Variants in MED14 observed in about 807,000 individuals in gnomAD.
The protein encoded by MED14 is mediator complex subunit 14.
Under a neutral mutation model 109.0 loss-of-function variants are expected in MED14, and 8 were observed. The ratio of observed to expected loss-of-function variants is 0.07; its 90% CI spans 0.04 to 0.13. MED14 has a LOEUF of 0.13. Among genes scored for constraint, MED14 ranks in the 10% least tolerant of loss-of-function variants. MED14 has a pLI of 1.00. For synonymous variants in MED14, 399 were observed against 408.7 expected, an observed-to-expected ratio of 0.98 and a Z score of 0.29; for missense variants, 711 against 1,142.4, an observed-to-expected ratio of 0.62 and a Z score of 5.44.
chrX:40,701,133 T>A, intron 12 of MED14, 32 bp downstream of exon 12: 1 of 1,039,183 alleles, frequency 9.6e-7, no homozygotes. Context: ...TAAGTTTCCA[T>A]TTTTAGTCTT....
chrX:40,667,065 A>G (rs1176627609), intron 23 of MED14, among the ~76,000 whole-genome samples: 1 of 111,887 alleles, frequency 8.9e-6, no homozygotes, highest in African/African-American at 3.3e-5. Context: ...CTGATTAAAA[A>G]AAAAAATCCG....
At position 40,666,786 on chromosome X, in the gene MED14, G is replaced by C; in HGVS notation, c.3199C>G (p.Pro1067Ala). 1.7e-6 allele frequency: 2 copies of C among 1,201,671 alleles called. No individual in the cohort carries two copies. Among genetic ancestry groups the C allele is most frequent in the Non-Finnish European group, 2.2e-6 (2 of 889,793 alleles). Residue 1067 changes from proline to alanine, a missense_variant, in exon 24 of 31, where the codon CCA (proline) becomes GCA (alanine). Pro to Ala is a conservative substitution (Grantham distance 27). Coordinates refer to ENST00000324817, the MANE Select transcript of MED14 (RefSeq NM_004229.4). ...CCATGCGAGGATGGGGGAGGAGTTG[G>C]AACAAATGACGCTGGTGATGGGGCT... The part of the protein sequence containing the change: ...LRAPSPASFV[P>A]TPPPSSHGIS...
intron 24 of MED14, 84 bp downstream of exon 24, chrX:40,666,636 A>C (rs1320654281): frequency 5.9e-6 from 6 of 1,016,961 alleles, no homozygotes; most frequent in Non-Finnish European, 8.1e-6. Flanking sequence ...ACAAGTATTA[A>C]TTTTGCAATG....
intron 3 of MED14, among the ~76,000 whole-genome samples, chrX:40,719,769 C>T (rs1164217290): frequency 8.9e-6 from 1 of 111,762 alleles, no homozygotes; most frequent in Non-Finnish European, 1.9e-5. Flanking sequence ...GAATTGTATA[C>T]TTTAAGTGGG....
chrX:40,729,755 C>G (rs1932016236), intron 1 of MED14, among the ~76,000 whole-genome samples: 1 of 111,834 alleles, frequency 8.9e-6, no homozygotes, highest in Admixed American at 9.5e-5. Flanking sequence ...AGCAATAATC[C>G]CTCCACATTG....
At chrX:40,717,821 C>T (rs990427103) in intron 3 of MED14, among the ~76,000 whole-genome samples, 2 of 112,548 alleles carry the variant, frequency 1.8e-5, no homozygotes, top group Non-Finnish European at 3.8e-5. Context: ...CTGCACCCGG[C>T]CATCTTCTAG....
At position 40,702,410 on chromosome X, in the gene MED14, G is replaced by A. The variant is rs189237722; in HGVS notation, c.1411+1034C>T. Among the ~76,000 whole-genome samples the A allele has an allele frequency of 3.9e-3, 398 of 101,644 alleles. 4 individuals are homozygous for A. Among genetic ancestry groups the A allele is most frequent in the Non-Finnish European group, 5.8e-3 (292 of 50,559 alleles). The allele number at this position is 101,644 out of a possible 115,157, so 88.3% of individuals were successfully genotyped here. A position where few individuals can be genotyped will look rare whatever the true frequency, so the allele number is the denominator to read the frequency against. On this transcript the variant is annotated intron_variant, in intron 11 of 30. Transcript: ENST00000324817. ...CGCCCAGGCTGGAGTGCAGTGGCGC[G>A]ATCTCGGCTCACTGCAATCTCCGCC...
At chrX:40,690,477 T>C (rs766546683) in intron 15 of MED14, among the ~76,000 whole-genome samples, 34 of 111,317 alleles carry the variant, frequency 3.1e-4, no homozygotes, top group African/African-American at 1.1e-3. Context: ...TGGAGTGGCT[T>C]GATCTTGGCT....
At chrX:40,719,924 A>G (rs1271592506) in intron 3 of MED14, among the ~76,000 whole-genome samples, 1 of 112,174 alleles carries the variant, frequency 8.9e-6, no homozygotes, top group Non-Finnish European at 1.9e-5. Context: ...CTATGGATCT[A>G]TACACTCATA....
intron 13 of MED14, among the ~76,000 whole-genome samples, chrX:40,695,321 A>C (rs909166185): frequency 8.9e-6 from 1 of 112,200 alleles, no homozygotes. Flanking sequence ...CTAACCAAAA[A>C]AGAAAGGTAA....
In MED14 at chrX:40,651,592, G is replaced by T; in HGVS notation, c.*214C>A. 1.1e-6 allele frequency: 1 copy of T among 940,959 alleles called. No homozygotes were observed. Among genetic ancestry groups the T allele is most frequent in the Non-Finnish European group, 1.3e-6 (1 of 749,905 alleles). 77.5% of individuals were successfully genotyped at this position (940,959 alleles called of 1,213,427 possible). ...GACACTGATTTATTTCCTTTGAAAT[G>T]TGTCCCATTTAAACACACTATACAA... On this transcript the variant is annotated 3_prime_UTR_variant, in exon 31 of 31. Coordinates refer to ENST00000324817, the MANE Select transcript of MED14 (RefSeq NM_004229.4).
At chrX:40,714,354 T>C (rs1931440832) in intron 4 of MED14, among the ~76,000 whole-genome samples, 183 bp downstream of exon 4, 1 of 112,550 alleles carries the variant, frequency 8.9e-6, no homozygotes, top group African/African-American at 3.2e-5. Flanking sequence ...CCCATTTTGA[T>C]ATCTACTCAC....
Position 40,679,845 on chromosome X carries a change from T to C in MED14, c.2880+19A>G. ...ATAATTTTTATGTTTACTCATGTTA[T>C]AACACTAAAGTCTGTTACCTTTAGT... On this transcript the variant is annotated intron_variant, in intron 21 of 30. Coordinates refer to ENST00000324817, the MANE Select transcript of MED14 (RefSeq NM_004229.4). The C allele has an allele frequency of 1.7e-6, 2 of 1,203,020 alleles. No homozygotes were observed. Among genetic ancestry groups the C allele is most frequent in the Non-Finnish European group, 2.3e-6 (2 of 888,794 alleles).
At chrX:40,684,380 A>G (rs1459387674) in intron 16 of MED14, among the ~76,000 whole-genome samples, 1 of 112,640 alleles carries the variant, frequency 8.9e-6, no homozygotes, top group African/African-American at 3.2e-5. Context: ...AAACAACTTA[A>G]GAGAGCAAAA....
At chrX:40,672,385 T>C (rs768083926) in intron 22 of MED14, among the ~76,000 whole-genome samples, 1 of 112,337 alleles carries the variant, frequency 8.9e-6, no homozygotes, top group African/African-American at 3.2e-5. Flanking sequence ...GGCAGTGTTT[T>C]TTCTTTCTGA....
At chrX:40,719,627 T>C (rs1931648019) in intron 3 of MED14, among the ~76,000 whole-genome samples, 1 of 111,932 alleles carries the variant, frequency 8.9e-6, no homozygotes, top group Non-Finnish European at 1.9e-5. Flanking sequence ...AGTACATTAG[T>C]GGCTGCTTAG....
rs2146683172 is a variant in MED14, at chrX:40,697,332, A to C, written c.1491-149T>G. On this transcript the variant is annotated intron_variant, in intron 12 of 30. Transcript: ENST00000324817. Reference sequence around the variant, plus strand: ...AAAGGACACATGGCCATAATGACAAATCATTTTTTCATAGTTTTGCACTAC... The same window carrying C: ...AAAGGACACATGGCCATAATGACAACTCATTTTTTCATAGTTTTGCACTAC... 3 of 413,426 alleles carry C rather than the reference A, an allele frequency of 7.3e-6. No homozygotes were observed. In the East Asian group the frequency reaches 1.2e-4, roughly 16 times the overall value. The allele number at this position is 413,426 out of a possible 1,213,427, so 34.1% of individuals were successfully genotyped here.
intron 15 of MED14, among the ~76,000 whole-genome samples, chrX:40,691,159 C>A (rs1351188310): frequency 8.9e-6 from 1 of 112,477 alleles, no homozygotes; most frequent in Non-Finnish European, 1.9e-5. Flanking sequence ...CTCCCTTTCA[C>A]GTTTGAGGAT....
intron 25 of MED14, 35 bp downstream of exon 25, chrX:40,664,272 C>T: frequency 7.7e-6 from 9 of 1,173,251 alleles, no homozygotes; most frequent in Non-Finnish European, 1.0e-5. Context: ...TTGGGTTATA[C>T]TAAAAAAGAA....
Sources: allele counts gnomAD v4.1 joint callset (sites outside exome capture counted in the v4.1 genomes callset), GRCh38; gene constraint gnomAD v4.1.1; transcripts MANE v1.5; gene names NCBI Gene and HGNC (gene_info 2026-07-23, HGNC 2026-07-21).